HNRNPC: variants seen among roughly 807,000 people sequenced by gnomAD.
HNRNPC encodes the protein heterogeneous nuclear ribonucleoprotein C.
In HNRNPC, 3 loss-of-function variants were observed where a neutral mutation model predicts 33.2. That is an observed-to-expected ratio of 0.09 (90% CI 0.04 to 0.23). The LOEUF is 0.23. Ranked by LOEUF, HNRNPC falls within the 10% of genes least tolerant of loss-of-function variation. The probability of loss-of-function intolerance (pLI) is 1.00; values close to 1 mark genes in which losing one functional copy is unlikely to be tolerated. For synonymous variants in HNRNPC, 121 were observed against 126.7 expected, an observed-to-expected ratio of 0.96 and a Z score of 0.30; for missense variants, 143 against 366.7, an observed-to-expected ratio of 0.39 and a Z score of 4.98.
chr14:21,254,695 C>T (rs1053932839), intron 2 of HNRNPC: 3 of 152,104 alleles, frequency 2.0e-5, no homozygotes, highest in Non-Finnish European at 4.4e-5. Context: ...TGCCTGAGGT[C>T]GCGAGTTCGA....
intron 2 of HNRNPC, among the ~76,000 whole-genome samples, chr14:21,250,286 A>G (rs748067241): frequency 1.3e-5 from 2 of 152,108 alleles, no homozygotes; most frequent in Non-Finnish European, 2.9e-5. Flanking sequence ...TTAAATACTT[A>G]GGGGTCTTTT....
intron 2 of HNRNPC, among the ~76,000 whole-genome samples, chr14:21,258,929 T>G (rs1877701585): frequency 6.6e-6 from 1 of 152,072 alleles, no homozygotes; most frequent in African/African-American, 2.4e-5. Context: ...ACTGCCCTAC[T>G]TGCCCTCTTA....
chr14:21,268,084 T>C (rs971468902), intron 1 of HNRNPC, among the ~76,000 whole-genome samples: 7 of 152,154 alleles, frequency 4.6e-5, no homozygotes, highest in African/African-American at 7.2e-5. Flanking sequence ...GATTAACAGA[T>C]TGTGAAAAAT....
chr14:21,249,627 T>G (rs1019342896), intron 2 of HNRNPC, among the ~76,000 whole-genome samples: 19 of 147,716 alleles, frequency 1.3e-4, no homozygotes, highest in Non-Finnish European at 2.8e-4. Flanking sequence ...AATCAATGAA[T>G]TGGGTACCTC....
At chr14:21,225,027 G>T (rs995445567) in intron 5 of HNRNPC, among the ~76,000 whole-genome samples, 1 of 152,040 alleles carries the variant, frequency 6.6e-6, no homozygotes, top group Non-Finnish European at 1.5e-5. Flanking sequence ...TTTGAACCAG[G>T]TTTCTTGCTC....
chr14:21,226,378 C>T (rs1263392051), intron 5 of HNRNPC, among the ~76,000 whole-genome samples: 1 of 149,858 alleles, frequency 6.7e-6, no homozygotes, highest in Non-Finnish European at 1.5e-5. Flanking sequence ...TAGCTGTTGA[C>T]GAACATCAAT....
chr14:21,227,240 T>C (rs1459990321), intron 5 of HNRNPC, among the ~76,000 whole-genome samples: 1 of 151,334 alleles, frequency 6.6e-6, no homozygotes, highest in Non-Finnish European at 1.5e-5. Flanking sequence ...TTCATTAACA[T>C]CTATCATGTA....
intron 4 of HNRNPC, chr14:21,230,684 T>TAG: frequency 2.1e-6 from 1 of 480,684 alleles, no homozygotes; most frequent in South Asian, 3.6e-5. Flanking sequence ...TACTCTCTAG[T>TAG]GTCTTAGAAG....
In HNRNPC at chr14:21,211,600, A is replaced by T. The variant is rs1465909029; in HGVS notation, c.638-34T>A. 7.6e-6 allele frequency: 12 copies of T among 1,584,424 alleles called. No individual in the cohort carries two copies. In the South Asian group the frequency reaches 1.1e-4, roughly 15 times the overall value. On this transcript the variant is annotated intron_variant, in intron 7 of 8. Transcript: ENST00000553300. Reference sequence around the variant, plus strand: ...GAGAAGGACAAGTCTGTCTAGGGGCAGTAATGTCCACAGGACGTAGACAAT... The same window carrying T: ...GAGAAGGACAAGTCTGTCTAGGGGCTGTAATGTCCACAGGACGTAGACAAT...
Position 21,210,494 on chromosome 14 carries a change from AAAAC to A in HNRNPC, c.*725_*728del, listed in dbSNP as rs1891484925. Reference sequence around the variant, plus strand: ...CTAGAGGTTTTGTGGAGGACGCTGTAAAACAAAGTTTGAAGTAAACAATAATAAA... The same window carrying A: ...CTAGAGGTTTTGTGGAGGACGCTGTAAAAGTTTGAAGTAAACAATAATAAA... On this transcript the variant is annotated 3_prime_UTR_variant, in exon 9 of 9. Transcript: ENST00000553300. 1 of 152,596 alleles carries A rather than the reference AAAAC, an allele frequency of 6.6e-6. No individual in the cohort carries two copies. Among genetic ancestry groups the A allele is most frequent in the South Asian group, 2.1e-4 (1 of 4,828 alleles). The allele number at this position is 152,596 out of a possible 1,614,324, so 9.5% of individuals were successfully genotyped here.
intron 2 of HNRNPC, among the ~76,000 whole-genome samples, chr14:21,257,753 T>C (rs1877478906): frequency 6.6e-6 from 1 of 152,140 alleles, no homozygotes; most frequent in Non-Finnish European, 1.5e-5. Flanking sequence ...CCCAGCTTTT[T>C]GTAGACAGGC....
chr14:21,233,102 G>A (rs1341377059), intron 3 of HNRNPC, among the ~76,000 whole-genome samples: 2 of 151,636 alleles, frequency 1.3e-5, no homozygotes, highest in Non-Finnish European at 2.9e-5. Context: ...TAACCTTCAG[G>A]TTTTGGTACA....
At chr14:21,252,650 A>G (rs1190243702) in intron 2 of HNRNPC, among the ~76,000 whole-genome samples, 1 of 152,156 alleles carries the variant, frequency 6.6e-6, no homozygotes, top group African/African-American at 2.4e-5. Context: ...TAATTTATTA[A>G]ACGTTTTTGG....
intron 2 of HNRNPC, among the ~76,000 whole-genome samples, chr14:21,240,823 A>G (rs1270641813): frequency 6.6e-6 from 1 of 152,224 alleles, no homozygotes; most frequent in Non-Finnish European, 1.5e-5. Flanking sequence ...TACTTAAAAC[A>G]CATTATCCAA....
At chr14:21,251,016 C>A (rs1177408985) in intron 2 of HNRNPC, among the ~76,000 whole-genome samples, 1 of 152,162 alleles carries the variant, frequency 6.6e-6, no homozygotes, top group Non-Finnish European at 1.5e-5. Flanking sequence ...AATCCCAGCA[C>A]TCTGGGAGGC....
chr14:21,244,658 G>C (rs1281029714), intron 2 of HNRNPC, among the ~76,000 whole-genome samples: 3 of 152,318 alleles, frequency 2.0e-5, no homozygotes, highest in Admixed American at 6.5e-5. Context: ...GGAAATGCAT[G>C]AGAATTGTAT....
chr14:21,215,918 G>GAAGA (rs1466703184), intron 5 of HNRNPC, among the ~76,000 whole-genome samples: 2 of 135,028 alleles, frequency 1.5e-5, no homozygotes, highest in Admixed American at 7.5e-5. Flanking sequence ...AAAAAGAAAG[G>GAAGA]AAGAAAGAAA....
intron 6 of HNRNPC, among the ~76,000 whole-genome samples, chr14:21,212,277 A>C (rs1023456975): frequency 6.6e-6 from 1 of 152,170 alleles, no homozygotes; most frequent in Non-Finnish European, 1.5e-5. Context: ...ATCTGGGGCT[A>C]CAGGCACGCA....
intron 2 of HNRNPC, among the ~76,000 whole-genome samples, chr14:21,244,279 C>T (rs988033260): frequency 1.3e-5 from 2 of 152,298 alleles, no homozygotes; most frequent in South Asian, 2.1e-4. Context: ...GGATTATAGG[C>T]GTGAGCCCCC....
Sources: allele counts gnomAD v4.1 joint callset (sites outside exome capture counted in the v4.1 genomes callset), GRCh38; gene constraint gnomAD v4.1.1; transcripts MANE v1.5; gene names NCBI Gene and HGNC (gene_info 2026-07-23, HGNC 2026-07-21).